The following PPP1R42 variants were observed in gnomAD, a reference collection of about 807,000 sequenced individuals.
PPP1R42 encodes protein phosphatase 1 regulatory subunit 42, also known as leucine rich repeat containing 67.
A neutral mutation model predicts 31.0 loss-of-function variants in PPP1R42; 34 were observed. The observed-to-expected ratio is 1.10, with a 90% CI of 0.83 to 1.46. PPP1R42 has a LOEUF of 1.46. Ranked by LOEUF, PPP1R42 falls within the 40% of genes most tolerant of loss-of-function variation. PPP1R42 has a pLI of 0.00. For missense variants in PPP1R42, 268 were observed against 303.0 expected (o/e 0.88, Z 0.86); for synonymous variants, 103 against 109.8 (o/e 0.94, Z 0.39).
chr8:67,014,696 G>T, intron 2 of PPP1R42, 104 bp from the exon 3 acceptor site: 1 of 722,362 alleles, frequency 1.4e-6, no homozygotes, highest in Non-Finnish European at 2.2e-6. Flanking sequence ...TTTCTCTAAG[G>T]TTAATATAAA....
At chr8:67,000,770 AC>A (rs1815460098) in intron 5 of PPP1R42, among the ~76,000 whole-genome samples, 1 of 152,170 alleles carries the variant, frequency 6.6e-6, no homozygotes, top group East Asian at 1.9e-4. Flanking sequence ...AAATATTCTA[AC>A]TCCTATTTTA....
intron 2 of PPP1R42, among the ~76,000 whole-genome samples, chr8:67,015,306 C>T (rs1448317311): frequency 3.9e-5 from 6 of 152,064 alleles, no homozygotes; most frequent in South Asian, 2.1e-4. Context: ...TGTGAGCCAC[C>T]GCGCCCAGCC....
intron 7 of PPP1R42, among the ~76,000 whole-genome samples, chr8:66,967,101 C>T (rs865867794): frequency 3.9e-5 from 6 of 152,056 alleles, no homozygotes; most frequent in Admixed American, 2.0e-4. Context: ...CTTAGCCTCC[C>T]GAGTAGCTGG....
Position 66,996,129 on chromosome 8 carries a change from C to A in PPP1R42, c.553-7612G>T, listed in dbSNP as rs1020287318. Among the ~76,000 whole-genome samples the A allele has an allele frequency of 4.6e-5, 7 of 152,160 alleles. No individual in the cohort carries two copies. The East Asian group carries it at 1.3e-3, about 29-fold the overall frequency. On this transcript the variant is annotated intron_variant, in intron 5 of 7. Transcript: ENST00000685739. The stretch of plus-strand genomic sequence containing the variant: ...GCAGTAGTATGATCATGGCTCACTG[C>A]AGCTTTGACCTCCCAGGCTCAAGCG...
intron 1 of PPP1R42, among the ~76,000 whole-genome samples, chr8:67,024,660 G>C (rs1289829163): frequency 1.3e-5 from 2 of 151,450 alleles, no homozygotes; most frequent in Non-Finnish European, 2.9e-5. Context: ...ATTTTTTTTA[G>C]TAGAGACGGG....
In PPP1R42 at chr8:67,019,534, G is replaced by A. The variant is rs569929708; in HGVS notation, c.-84-1703C>T. 6.4e-4 allele frequency among the ~76,000 whole-genome samples: 97 copies of A among 151,600 alleles called. 1 individual carries two copies. The highest frequency in any genetic ancestry group is 2.2e-3 in the African/African-American group (92 of 41,384). On this transcript the variant is annotated intron_variant, in intron 1 of 7. Transcript: ENST00000685739. ...ATTACAGGCGTGAGCCATCGCGCCC[G>A]GCCTTATGAGCATCTTTTAAAGGAT...
intron 6 of PPP1R42, among the ~76,000 whole-genome samples, chr8:66,987,350 G>A (rs975645551): frequency 1.5e-4 from 21 of 141,210 alleles, no homozygotes; most frequent in African/African-American, 5.8e-4. Flanking sequence ...GGAGTGCAAT[G>A]GCGTGATCTC....
chr8:66,968,680 A>C (rs950074318), intron 7 of PPP1R42, among the ~76,000 whole-genome samples: 3 of 152,202 alleles, frequency 2.0e-5, no homozygotes, highest in Non-Finnish European at 4.4e-5. Flanking sequence ...TAAAATTAGC[A>C]AAAGGCATGC....
intron 5 of PPP1R42, among the ~76,000 whole-genome samples, chr8:66,995,935 T>C (rs542327007): frequency 3.3e-5 from 5 of 152,358 alleles, no homozygotes; most frequent in Admixed American, 2.6e-4. Context: ...ATTTCTACTA[T>C]GAAAGATGAT....
intron 6 of PPP1R42, chr8:66,984,105 A>T (rs1021542546): frequency 2.7e-5 from 42 of 1,567,014 alleles, no homozygotes; most frequent in Non-Finnish European, 3.4e-5. Context: ...CAAAGGCAAG[A>T]GGGGAGAGGC....
chr8:67,017,106 T>C (rs1473430806), intron 2 of PPP1R42, among the ~76,000 whole-genome samples: 3 of 152,160 alleles, frequency 2.0e-5, no homozygotes, highest in Non-Finnish European at 4.4e-5. Flanking sequence ...ATTTTATAGA[T>C]TTAATTTTAA....
chr8:66,966,556 C>T (rs1814385547), intron 7 of PPP1R42, among the ~76,000 whole-genome samples: 1 of 152,092 alleles, frequency 6.6e-6, no homozygotes, highest in African/African-American at 2.4e-5. Context: ...GAGGCCGAGA[C>T]GGGTGGATCA....
At chr8:66,995,826 CT>C in intron 5 of PPP1R42, among the ~76,000 whole-genome samples, 1 of 152,314 alleles carries the variant, frequency 6.6e-6, no homozygotes, top group Non-Finnish European at 1.5e-5. Flanking sequence ...AACAAAACCA[CT>C]TTCAACTTCT....
At chr8:67,012,860 G>T in intron 4 of PPP1R42, 98 bp downstream of exon 4, 2 of 1,134,556 alleles carry the variant, frequency 1.8e-6, no homozygotes, top group Non-Finnish European at 2.4e-6. Context: ...AACATGAAGA[G>T]GATGTACAAT....
chr8:67,011,999 G>A (rs762093384), intron 4 of PPP1R42, among the ~76,000 whole-genome samples: 9 of 152,078 alleles, frequency 5.9e-5, no homozygotes, highest in South Asian at 2.1e-4. Context: ...GGCCGGGCAC[G>A]GTGGCTCACG....
At chr8:67,011,046 C>T (rs566071776) in intron 4 of PPP1R42, among the ~76,000 whole-genome samples, 1 of 151,882 alleles carries the variant, frequency 6.6e-6, no homozygotes, top group East Asian at 1.9e-4. Context: ...TACCCGTTCT[C>T]CCTATAATTC....
chr8:67,025,905 T>C (rs182282476), intron 1 of PPP1R42, among the ~76,000 whole-genome samples: 130 of 149,356 alleles, frequency 8.7e-4, no homozygotes, highest in African/African-American at 2.3e-3. Context: ...CTCAGGAGGC[T>C]GAGGCAGAGG....
chr8:67,014,658 A>T, intron 2 of PPP1R42, 66 bp from the exon 3 acceptor site: 2 of 1,147,986 alleles, frequency 1.7e-6, no homozygotes, highest in Non-Finnish European at 2.5e-6. Context: ...TGTTTTTAAC[A>T]AAAATTTTCA....
chr8:66,987,391 A>G (rs1278855485), intron 6 of PPP1R42, among the ~76,000 whole-genome samples: 2 of 147,302 alleles, frequency 1.4e-5, no homozygotes, highest in African/African-American at 5.1e-5. Flanking sequence ...TACCAGTTTC[A>G]AGCGATTCTC....
Sources: allele counts gnomAD v4.1 joint callset (sites outside exome capture counted in the v4.1 genomes callset), GRCh38; gene constraint gnomAD v4.1.1; transcripts MANE v1.5; gene names NCBI Gene and HGNC (gene_info 2026-07-23, HGNC 2026-07-21).